The following RNF212 variants were observed in gnomAD, a reference collection of about 807,000 sequenced individuals.
RNF212 encodes the protein probable E3 SUMO-protein ligase RNF212.
A neutral mutation model predicts 34.7 loss-of-function variants in RNF212; 33 were observed. The ratio of observed to expected loss-of-function variants is 0.95; its 90% CI spans 0.72 to 1.27. RNF212 has a LOEUF of 1.27. RNF212 is among the 50% of genes most tolerant of loss of function. RNF212 has a pLI of 0.00. For missense variants in RNF212, 377 were observed against 362.2 expected (o/e 1.04, Z -0.33); for synonymous variants, 140 against 136.1 (o/e 1.03, Z -0.20).
chr4:1,091,319 G>T (rs1460442746), intron 3 of RNF212, among the ~76,000 whole-genome samples: 4 of 152,204 alleles, frequency 2.6e-5, no homozygotes, highest in African/African-American at 9.7e-5. Flanking sequence ...ATTTACAGGA[G>T]CCCCGGGTTC....
chr4:1,077,400 CTTTT>C (rs1047041105), intron 8 of RNF212, among the ~76,000 whole-genome samples: 1 of 152,194 alleles, frequency 6.6e-6, no homozygotes, highest in Admixed American at 6.5e-5. Flanking sequence ...TCTTTTCTTT[CTTTT>C]TTCTTTTTTT....
intron 2 of RNF212, among the ~76,000 whole-genome samples, chr4:1,105,628 C>T (rs1451448718): frequency 6.6e-6 from 1 of 152,260 alleles, no homozygotes; most frequent in Non-Finnish European, 1.5e-5. Flanking sequence ...TGGAAACCAT[C>T]AGAGGGTACT....
intron 7 of RNF212, 107 bp from the exon 8 acceptor site, chr4:1,079,795 C>T: frequency 1.2e-6 from 1 of 818,196 alleles, no homozygotes; most frequent in South Asian, 1.4e-5. Context: ...CTAAATCTTC[C>T]TCTAGCTTCA....
Position 1,081,703 on chromosome 4 carries a change from C to T in RNF212, c.363-84G>A. ...CATCCCAACTGAAAGTGTAAGAAGG[C>T]TCTGAATCAGTGAAATGTTCTTACT... On this transcript the variant is annotated intron_variant, in intron 5 of 9. Transcript: ENST00000433731. 1.2e-5 allele frequency: 11 copies of T among 947,944 alleles called. 1 individual carries two copies. The South Asian group carries it at 1.4e-4, about 12-fold the overall frequency. 58.7% of individuals were successfully genotyped at this position (947,944 alleles called of 1,614,324 possible).
chr4:1,060,737 T>G (rs1211673156), intron 3 of RNF212, among the ~76,000 whole-genome samples: 2 of 152,274 alleles, frequency 1.3e-5, no homozygotes. Context: ...TCCACTGTGC[T>G]GTGTTCTGGA....
intron 5 of RNF212, chr4:1,085,586 G>T: frequency 2.1e-6 from 1 of 480,928 alleles, no homozygotes; most frequent in East Asian, 3.7e-5. Context: ...CCCCACCTGT[G>T]CTGGGTCACT....
At chr4:1,068,441 T>C (rs1327463183), downstream of RNF212, among the ~76,000 whole-genome samples, 2 of 152,234 alleles carry the variant, frequency 1.3e-5, no homozygotes, top group African/African-American at 4.8e-5. Context: ...ATGTTTGCTG[T>C]GGTTGCTTTA....
intron 4 of RNF212, chr4:1,056,825 G>GCTGAGCACTTGC: frequency 1.0e-6 from 1 of 987,098 alleles, no homozygotes; most frequent in Non-Finnish European, 1.2e-6. Flanking sequence ...CCTGAGGCTG[G>GCTGAGCACTTGC]CTGAGCACTT....
intron 1 of RNF212, among the ~76,000 whole-genome samples, chr4:1,109,144 C>T (rs751322072): frequency 4.0e-5 from 6 of 151,714 alleles, no homozygotes; most frequent in East Asian, 1.9e-4. Flanking sequence ...AGTGACTGGG[C>T]GTACAGGTGC....
At chr4:1,094,325 C>T (rs1019366918) in intron 3 of RNF212, among the ~76,000 whole-genome samples, 11 of 152,062 alleles carry the variant, frequency 7.2e-5, no homozygotes, top group African/African-American at 2.7e-4. Flanking sequence ...TGCAGCTGTC[C>T]GGTGACATCC....
At position 1,071,665 on chromosome 4, in the gene RNF212, C is replaced by G. The variant is rs536271919; in HGVS notation, c.*1209G>C. 6.6e-6 allele frequency: 1 copy of G among 152,316 alleles called. No homozygotes were observed. The highest frequency in any genetic ancestry group is 2.4e-5 in the African/African-American group (1 of 41,564). 9.4% of individuals were successfully genotyped at this position (152,316 alleles called of 1,614,324 possible). On this transcript the variant is annotated 3_prime_UTR_variant, in exon 10 of 10. Transcript: ENST00000433731. The stretch of plus-strand genomic sequence containing the variant: ...CAAAGAAGATATGCAGATGAAAAAT[C>G]AGCATAAGATGCTCCTAGTCATATG...
intron 3 of RNF212, among the ~76,000 whole-genome samples, chr4:1,091,229 G>A (rs959843616): frequency 5.9e-5 from 9 of 152,184 alleles, no homozygotes; most frequent in African/African-American, 1.7e-4. Context: ...GAGGCTAAGC[G>A]AGACCCACAG....
Position 1,081,411 on chromosome 4 carries a change from CCA to C in RNF212, c.464+6_464+7del, listed in dbSNP as rs1337414537. 1 of 1,613,204 alleles carries C rather than the reference CCA, an allele frequency of 6.2e-7. No individual in the cohort carries two copies. The highest frequency in any genetic ancestry group is 8.5e-7 in the Non-Finnish European group (1 of 1,179,372). On this transcript the variant is annotated splice_donor_region_variant and intron_variant, in intron 7 of 9. Coordinates refer to ENST00000433731, the MANE Select transcript of RNF212 (RefSeq NM_001131034.4). ...AGGTCCTGTGATTTCTGCAAGCAAC[CCA>C]CACACCTGTCGGGGGCTGATGAGTG...
intron 3 of RNF212, among the ~76,000 whole-genome samples, chr4:1,065,004 A>G (rs1485196348): frequency 1.3e-5 from 2 of 152,262 alleles, no homozygotes; most frequent in African/African-American, 4.8e-5. Context: ...ATCATAGCCC[A>G]CTGTACGGAG....
At chr4:1,071,073 T>C (rs1163966404), downstream of RNF212, among the ~76,000 whole-genome samples, 1 of 151,974 alleles carries the variant, frequency 6.6e-6, no homozygotes, top group Admixed American at 6.5e-5. Context: ...TTTTTCTGTG[T>C]GCTTGAAGTA....
intron 4 of RNF212, among the ~76,000 whole-genome samples, chr4:1,089,849 CGTGACT>C (rs1560131374): frequency 6.6e-6 from 1 of 152,196 alleles, no homozygotes; most frequent in Non-Finnish European, 1.5e-5. Context: ...TGCCTTCTGC[CGTGACT>C]GTAAGTTTCC....
At chr4:1,079,243 G>A (rs1226333618) in intron 8 of RNF212, among the ~76,000 whole-genome samples, 4 of 151,844 alleles carry the variant, frequency 2.6e-5, no homozygotes, top group Admixed American at 6.6e-5. Flanking sequence ...GACCAACACA[G>A]GGTCAACACA....
In RNF212 at chr4:1,073,589, T is replaced by G. The variant is rs765998057; in HGVS notation, c.574+10A>C. On this transcript the variant is annotated intron_variant, in intron 9 of 9. Transcript: ENST00000433731. ...TGTATCGGTCTGAGGTTACAGGACA[T>G]TTTACTTACCCATTCGTCCATCTTG... The G allele has an allele frequency of 1.1e-5, 18 of 1,582,194 alleles. No homozygotes were observed. The highest frequency in any genetic ancestry group is 1.6e-5 in the Non-Finnish European group (18 of 1,151,182).
intron 4 of RNF212, among the ~76,000 whole-genome samples, chr4:1,090,403 G>A (rs1240074792): frequency 6.6e-6 from 1 of 152,154 alleles, no homozygotes; most frequent in African/African-American, 2.4e-5. Context: ...TGACTTTACC[G>A]ACTACATAAC....
Sources: gnomAD v4.1 joint callset for allele counts (sites outside exome capture counted in the v4.1 genomes callset) on GRCh38, gnomAD v4.1.1 for gene constraint, MANE v1.5 for transcripts, NCBI Gene and HGNC (gene_info 2026-07-23, HGNC 2026-07-21) for gene names.